The following PIK3CD variants were observed in gnomAD, a reference collection of about 807,000 sequenced individuals.
PIK3CD encodes the protein phosphatidylinositol-4,5-bisphosphate 3-kinase catalytic subunit delta, also known as phosphatidylinositol 4,5-bisphosphate 3-kinase catalytic subunit delta isoform.
Under a neutral mutation model 122.9 loss-of-function variants are expected in PIK3CD, and 20 were observed. The ratio of observed to expected loss-of-function variants is 0.16; its 90% CI spans 0.11 to 0.24. The LOEUF (loss-of-function observed/expected upper bound fraction) is 0.24. Among genes scored for constraint, PIK3CD ranks in the 10% least tolerant of loss-of-function variants. The pLI is 1.00. For missense variants in PIK3CD, 787 were observed against 1,406.3 expected, an observed-to-expected ratio of 0.56 and a Z score of 7.04; for synonymous variants, 596 against 593.4, an observed-to-expected ratio of 1.00 and a Z score of -0.06.
At chr1:9,693,119 C>T (rs538042622) in intron 2 of PIK3CD, among the ~76,000 whole-genome samples, 3 of 152,106 alleles carry the variant, frequency 2.0e-5, no homozygotes, top group South Asian at 2.1e-4. Flanking sequence ...ATCATCTTAC[C>T]GCCACCCCAC....
intron 1 of PIK3CD, among the ~76,000 whole-genome samples, chr1:9,667,490 C>T (rs1645194601): frequency 6.6e-6 from 1 of 151,886 alleles, no homozygotes; most frequent in Non-Finnish European, 1.5e-5. Flanking sequence ...GATTCTCCTG[C>T]CTCAGCCTCC....
upstream of PIK3CD, among the ~76,000 whole-genome samples, chr1:9,647,357 G>A (rs928341673): frequency 1.3e-5 from 2 of 151,932 alleles, no homozygotes; most frequent in South Asian, 2.1e-4. Flanking sequence ...CTGCACCACC[G>A]CACTCCAGCC....
At chr1:9,721,420 C>A in intron 14 of PIK3CD, 24 bp from the exon 15 acceptor site, 1 of 1,612,578 alleles carries the variant, frequency 6.2e-7, no homozygotes, top group Middle Eastern at 1.7e-4. Context: ...GAGCTCCAGG[C>A]CCCAGCGCCT....
chr1:9,663,587 A>T, intron 1 of PIK3CD, among the ~76,000 whole-genome samples: 1 of 139,966 alleles, frequency 7.1e-6, no homozygotes, highest in East Asian at 2.9e-4. Flanking sequence ...TATTTTTTTA[A>T]TATTTTTTTA....
the PIK3CD span, among the ~76,000 whole-genome samples, chr1:9,631,957 C>T: frequency 1.3e-5 from 2 of 151,820 alleles, no homozygotes; most frequent in African/African-American, 4.9e-5. Flanking sequence ...ATCTGATATC[C>T]ATCCTTCTTC....
At chr1:9,682,429 A>T (rs541117504) in intron 1 of PIK3CD, among the ~76,000 whole-genome samples, 16 of 150,034 alleles carry the variant, frequency 1.1e-4, no homozygotes, top group African/African-American at 3.9e-4. Context: ...GGAGAGACGA[A>T]GTTTAACCAT....
Position 9,724,170 on chromosome 1 carries a change from C to T in PIK3CD, c.2718+78C>T. The T allele has an allele frequency of 6.2e-7, 1 of 1,613,620 alleles. No homozygotes were observed. The highest frequency in any genetic ancestry group is 8.5e-7 in the Non-Finnish European group (1 of 1,179,932). On this transcript the variant is annotated intron_variant, in intron 21 of 23. Coordinates refer to ENST00000377346, the MANE Select transcript of PIK3CD (RefSeq NM_005026.5). The surrounding 1 kb of genome is among the most constrained non-coding windows in gnomAD (Gnocchi z 7.3). ...CCTGCTGGCCCCTCTGCCTAGCACA[C>T]AGCTCTGTGGCAGGGGTCCCCCAGC...
chr1:9,706,223 G>A (rs938069712), intron 2 of PIK3CD, among the ~76,000 whole-genome samples: 1 of 151,486 alleles, frequency 6.6e-6, no homozygotes, highest in Admixed American at 6.6e-5. Context: ...CTGGCTAGGA[G>A]CTCACACCTG....
At chr1:9,671,226 A>G (rs2100985940) in intron 1 of PIK3CD, among the ~76,000 whole-genome samples, 1 of 152,216 alleles carries the variant, frequency 6.6e-6, no homozygotes, top group Non-Finnish European at 1.5e-5. Context: ...CAGCCTCCCA[A>G]GTAGCCAAGA....
Position 9,720,944 on chromosome 1 carries a change from G to A in PIK3CD, c.1689+35G>A, listed in dbSNP as rs1306934926. ...GAGGCGCACCTGGGGGCGGAGCTGG[G>A]GGCAGACCACAGCCTCTGGCTACCC... is the stretch of plus-strand genomic sequence containing the variant. On this transcript the variant is annotated intron_variant, in intron 13 of 23. Coordinates refer to ENST00000377346, the MANE Select transcript of PIK3CD (RefSeq NM_005026.5). The surrounding 1 kb of genome is among the most constrained non-coding windows in gnomAD (Gnocchi z 9.0). 1.3e-6 allele frequency: 2 copies of A among 1,551,254 alleles called. No individual in the cohort carries two copies. Among genetic ancestry groups the A allele is most frequent in the Non-Finnish European group, 1.7e-6 (2 of 1,147,800 alleles).
At chr1:9,658,194 GCAA>G in intron 1 of PIK3CD, among the ~76,000 whole-genome samples, 1 of 151,944 alleles carries the variant, frequency 6.6e-6, no homozygotes. Flanking sequence ...ACCAGCCTGG[GCAA>G]CATAGTAAGA....
Position 9,710,697 on chromosome 1 carries a change from A to C in PIK3CD, c.141+101A>C. ...GACAGACAGACAGATGGACAGGTGG[A>C]CAGACGGACAGACAGATGGACAGAT... is the stretch of plus-strand genomic sequence containing the variant. On this transcript the variant is annotated intron_variant, in intron 3 of 23. Coordinates refer to ENST00000377346, the MANE Select transcript of PIK3CD (RefSeq NM_005026.5). This position sits in a 1 kb window ranked among gnomAD's most constrained non-coding sequence, Gnocchi z 4.7. 1 of 1,270,074 alleles carries C rather than the reference A, an allele frequency of 7.9e-7. No individual in the cohort carries two copies. Among genetic ancestry groups the C allele is most frequent in the Non-Finnish European group, 1.1e-6 (1 of 874,102 alleles). 78.7% of individuals were successfully genotyped at this position (1,270,074 alleles called of 1,614,324 possible).
intron 2 of PIK3CD, among the ~76,000 whole-genome samples, chr1:9,703,981 G>A (rs1220044995): frequency 1.3e-5 from 2 of 152,122 alleles, no homozygotes; most frequent in East Asian, 3.8e-4. Context: ...GCGTTCTTGG[G>A]GCATTTCTGA....
At chr1:9,627,268 G>C in the PIK3CD span, among the ~76,000 whole-genome samples, 1 of 152,238 alleles carries the variant, frequency 6.6e-6, no homozygotes, top group African/African-American at 2.4e-5. Flanking sequence ...GGGAGACGCC[G>C]GCTGGGCGAC....
chr1:9,690,697 C>T (rs1285631081), intron 1 of PIK3CD, among the ~76,000 whole-genome samples: 1 of 152,190 alleles, frequency 6.6e-6, no homozygotes, highest in East Asian at 1.9e-4. Context: ...TGTGTTCCTG[C>T]AACCCATGCC....
chr1:9,726,090 G>A (rs910961600), intron 23 of PIK3CD, among the ~76,000 whole-genome samples: 2 of 152,034 alleles, frequency 1.3e-5, no homozygotes, highest in African/African-American at 4.8e-5. Context: ...GCACATGCCT[G>A]TAATCCCAGC....
Position 9,689,875 on chromosome 1 carries a change from C to A in PIK3CD, c.-137-1592C>A, listed in dbSNP as rs1423414200. ...GATCAGGGGTCCGGGGCCGTGGGGG[C>A]TTGGGGGGCCGAGGCAGGGGGTTGC... On this transcript the variant is annotated intron_variant, in intron 1 of 23. Coordinates refer to ENST00000377346, the MANE Select transcript of PIK3CD (RefSeq NM_005026.5). This position sits in a 1 kb window ranked among gnomAD's most constrained non-coding sequence, Gnocchi z 6.1. Among the ~76,000 whole-genome samples the A allele has an allele frequency of 2.0e-5, 3 of 150,588 alleles. No homozygotes were observed. The highest frequency in any genetic ancestry group is 4.5e-5 in the Non-Finnish European group (3 of 67,382).
At chr1:9,630,485 T>G in the PIK3CD span, among the ~76,000 whole-genome samples, 3 of 152,198 alleles carry the variant, frequency 2.0e-5, no homozygotes, top group Non-Finnish European at 2.9e-5. Flanking sequence ...GCCCTCTGGG[T>G]GCCAGACACA....
chr1:9,695,614 C>T (rs558720328), intron 2 of PIK3CD, among the ~76,000 whole-genome samples: 8 of 152,180 alleles, frequency 5.3e-5, no homozygotes, highest in Admixed American at 2.0e-4. Context: ...GAGGCCGAGG[C>T]GGGCAGATCA....
Sources: gnomAD v4.1 joint callset for allele counts (sites outside exome capture counted in the v4.1 genomes callset) on GRCh38, gnomAD v4.1.1 for gene constraint, Gnocchi (gnomAD v3.1) non-coding constraint, MANE v1.5 for transcripts, NCBI Gene and HGNC (gene_info 2026-07-23, HGNC 2026-07-21) for gene names.